Variants in RET observed in about 807,000 individuals in gnomAD.
RET encodes the protein ret proto-oncogene, also known as proto-oncogene tyrosine-protein kinase receptor Ret.
Under a neutral mutation model 118.3 loss-of-function variants are expected in RET, and 19 were observed. That is an observed-to-expected ratio of 0.16 (90% CI 0.11 to 0.24). The LOEUF is 0.24. Among genes scored for constraint, RET ranks in the 10% least tolerant of loss-of-function variants. The pLI, the probability that RET is intolerant of heterozygous loss-of-function variation, is 1.00. For missense variants in RET, 1,219 were observed against 1,502.1 expected (o/e 0.81, Z 3.12); for synonymous variants, 597 against 644.1 (o/e 0.93, Z 1.11).
At chr10:43,085,860 C>T (rs1419250608) in intron 1 of RET, among the ~76,000 whole-genome samples, 1 of 152,174 alleles carries the variant, frequency 6.6e-6, no homozygotes. Flanking sequence ...GCCCCCGCAT[C>T]GGGCTGCCTG....
At chr10:43,099,055 T>C (rs1837579497) in intron 1 of RET, among the ~76,000 whole-genome samples, 1 of 152,228 alleles carries the variant, frequency 6.6e-6, no homozygotes, top group Non-Finnish European at 1.5e-5. Flanking sequence ...AGCTTTCCAC[T>C]GTGGGAAATG....
intron 11 of RET, among the ~76,000 whole-genome samples, chr10:43,116,373 A>G (rs1838069769): frequency 6.6e-6 from 1 of 152,168 alleles, no homozygotes; most frequent in Non-Finnish European, 1.5e-5. Flanking sequence ...TGCTGTGACC[A>G]CACCTGTCAT....
At chr10:43,087,459 A>C (rs1452280304) in intron 1 of RET, among the ~76,000 whole-genome samples, 1 of 152,240 alleles carries the variant, frequency 6.6e-6, no homozygotes, top group African/African-American at 2.4e-5. Flanking sequence ...CGGTATATGC[A>C]CTGAGCTGTC....
intron 19 of RET, chr10:43,127,546 G>T: frequency 1.0e-6 from 1 of 964,528 alleles, no homozygotes. Context: ...TGAAATCTTG[G>T]AGTTTCAAGC....
At chr10:43,099,690 ATCTGTCCACC>A (rs1290015399) in intron 1 of RET, among the ~76,000 whole-genome samples, 1 of 152,138 alleles carries the variant, frequency 6.6e-6, no homozygotes, top group African/African-American at 2.4e-5. Context: ...GCCCTTCCCA[ATCTGTCCACC>A]TCCCCCACAC....
chr10:43,106,314 G>GT lies in RET; in HGVS notation c.868-58dup. 1 of 1,528,272 alleles carries GT rather than the reference G, an allele frequency of 6.5e-7. No individual in the cohort carries two copies. 94.7% of individuals were successfully genotyped at this position (1,528,272 alleles called of 1,614,324 possible). ...GACGTGCAGCATTCTAAGGTCTCTGGTTTTGGGGGGTCTGAGGGGCCCATC... is the reference window on the plus strand; with the variant it reads ...GACGTGCAGCATTCTAAGGTCTCTGGTTTTTGGGGGGTCTGAGGGGCCCATC... On this transcript the variant is annotated intron_variant, in intron 4 of 19. Coordinates refer to ENST00000355710, the MANE Select transcript of RET (RefSeq NM_020975.6). This position sits in a 1 kb window ranked among gnomAD's most constrained non-coding sequence, Gnocchi z 5.1.
At chr10:43,097,635 C>A (rs1837548881) in intron 1 of RET, among the ~76,000 whole-genome samples, 1 of 152,190 alleles carries the variant, frequency 6.6e-6, no homozygotes, top group African/African-American at 2.4e-5. Flanking sequence ...AGAAATGCAG[C>A]ACCCCCTCCC....
At chr10:43,107,428 C>T (rs1013273006) in intron 5 of RET, among the ~76,000 whole-genome samples, 2 of 152,096 alleles carry the variant, frequency 1.3e-5, no homozygotes, top group Non-Finnish European at 2.9e-5. Context: ...GCTTGGCCTG[C>T]GGGGTCATTG....
rs762626209 is a variant in RET at position 43,100,719 on chromosome 10, C to T, written c.334C>T (p.Arg112Cys). The change falls in exon 2 of 20, where the codon CGC becomes TGC. Residue 112 changes from arginine (R) to cysteine (C), a missense_variant. Arg to Cys is a radical substitution (Grantham distance 180, BLOSUM62 -3). Around this residue, in one of 5 missense-constraint regions of RET, gnomAD observed 84 missense variants for 163.6 expected, o/e 0.51. Coordinates refer to ENST00000355710, the MANE Select transcript of RET (RefSeq NM_020975.6). The stretch of plus-strand genomic sequence containing the variant: ...TAGCTCCTGGGAGAAGCTCAGTGTC[C>T]GCAGTAAGGGAGCCGCCCCAACACC... ...DHSSWEKLSVRNRGFPLLTVY... is the reference protein window; with the variant it reads ...DHSSWEKLSVCNRGFPLLTVY... The T allele has an allele frequency of 2.9e-5, 47 of 1,596,686 alleles. No homozygotes were observed. The highest frequency in any genetic ancestry group is 3.5e-5 in the Non-Finnish European group (41 of 1,172,272).
At position 43,111,106 on chromosome 10, in the gene RET, G is replaced by T. The variant is rs991906158; in HGVS notation, c.1264-101G>T. On this transcript the variant is annotated intron_variant, in intron 6 of 19. Coordinates refer to ENST00000355710, the MANE Select transcript of RET (RefSeq NM_020975.6). ...GGGGCTGCTGTCTCCAGGCCCAGTT[G>T]GGGGCTGTTCCAGGACTTAGGCTGT... 3.2e-6 allele frequency: 5 copies of T among 1,555,260 alleles called. No individual in the cohort carries two copies. The African/African-American group carries it at 6.8e-5, about 21-fold the overall frequency.
chr10:43,094,996 G>C (rs1379093730), intron 1 of RET, among the ~76,000 whole-genome samples: 3 of 152,174 alleles, frequency 2.0e-5, no homozygotes, highest in South Asian at 2.1e-4. Context: ...TAACATCAGA[G>C]GCACTAAGCT....
At chr10:43,082,382 C>T (rs1053385973) in intron 1 of RET, among the ~76,000 whole-genome samples, 2 of 152,344 alleles carry the variant, frequency 1.3e-5, no homozygotes, top group Middle Eastern at 3.4e-3. Context: ...CAAAGTGTAG[C>T]AGCCCAGGCA....
chr10:43,124,850 G>A, intron 17 of RET, 33 bp from the exon 18 acceptor site: 2 of 1,607,280 alleles, frequency 1.2e-6, no homozygotes, highest in Non-Finnish European at 1.7e-6. Flanking sequence ...GGCCCTGCTT[G>A]GATCATATTG....
intron 1 of RET, among the ~76,000 whole-genome samples, chr10:43,082,453 G>T (rs1421163889): frequency 3.3e-5 from 5 of 152,222 alleles, no homozygotes; most frequent in Non-Finnish European, 5.9e-5. Context: ...TGGACCAGCG[G>T]GCATAGGCTT....
At chr10:43,127,962 G>A (rs1838371434) in intron 19 of RET, 150 bp from the exon 20 acceptor site, 7 of 818,900 alleles carry the variant, frequency 8.5e-6, no homozygotes, top group Non-Finnish European at 1.3e-5. Flanking sequence ...CAGTGTTTTT[G>A]GAAACCTGGA....
chr10:43,120,584 G>A (rs1469204136), intron 15 of RET, among the ~76,000 whole-genome samples: 2 of 152,236 alleles, frequency 1.3e-5, no homozygotes, highest in Non-Finnish European at 2.9e-5. Flanking sequence ...TAGCAGGATC[G>A]TCATTCTTTG....
chr10:43,099,167 T>C (rs1426483747), intron 1 of RET, among the ~76,000 whole-genome samples: 2 of 152,130 alleles, frequency 1.3e-5, no homozygotes, highest in Admixed American at 1.3e-4. Context: ...AAGCTACGCC[T>C]CTGTCCACAG....
At chr10:43,104,581 A>G (rs1289037355) in intron 3 of RET, among the ~76,000 whole-genome samples, 2 of 152,314 alleles carry the variant, frequency 1.3e-5, no homozygotes, top group East Asian at 3.9e-4. Flanking sequence ...GCTTGGGCTG[A>G]GGCAAAGCCA....
At position 43,102,332 on chromosome 10, in the gene RET, C is replaced by T. The variant is rs375524825; in HGVS notation, c.338-10C>T. ...GCCGATGCCCCCACAGACCTGACTT[C>T]TCTCTGCAGACCGCGGCTTTCCCCT... is the stretch of plus-strand genomic sequence containing the variant. On this transcript the variant is annotated splice_polypyrimidine_tract_variant and intron_variant, in intron 2 of 19. Coordinates refer to ENST00000355710, the MANE Select transcript of RET (RefSeq NM_020975.6). The T allele has an allele frequency of 1.9e-6, 3 of 1,613,644 alleles. No individual in the cohort carries two copies. The highest frequency in any genetic ancestry group is 1.1e-5 in the South Asian group (1 of 91,090).
Sources: allele counts gnomAD v4.1 joint callset (sites outside exome capture counted in the v4.1 genomes callset), GRCh38; gene constraint gnomAD v4.1.1; regional missense constraint gnomAD v4.1.1; non-coding constraint Gnocchi (gnomAD v3.1); transcripts MANE v1.5; gene names NCBI Gene and HGNC (gene_info 2026-07-23, HGNC 2026-07-21).